Variants in CYSTM1 observed in about 807,000 individuals in gnomAD.
CYSTM1 encodes cysteine rich transmembrane module containing 1, also known as cysteine-rich transmembrane module-containing protein 1.
A neutral mutation model predicts 13.1 loss-of-function variants in CYSTM1; 4 were observed. The ratio of observed to expected loss-of-function variants is 0.31; its 90% CI spans 0.15 to 0.70. The LOEUF (loss-of-function observed/expected upper bound fraction) is 0.70, where lower values mean the gene tolerates loss of function less well. CYSTM1 is among the 30% of genes least tolerant of loss of function. CYSTM1 has a pLI of 0.72. For synonymous variants in CYSTM1, 36 were observed against 42.7 expected (o/e 0.84, Z 0.62); for missense variants, 96 against 121.6 (o/e 0.79, Z 0.99).
intron 2 of CYSTM1, among the ~76,000 whole-genome samples, chr5:140,225,132 T>C (rs1764534375): frequency 6.6e-6 from 1 of 152,204 alleles, no homozygotes; most frequent in East Asian, 1.9e-4. Flanking sequence ...AGGTGAGTTA[T>C]GATCATGCCA....
At chr5:140,213,789 G>C (rs1764398807) in intron 2 of CYSTM1, among the ~76,000 whole-genome samples, 1 of 152,176 alleles carries the variant, frequency 6.6e-6, no homozygotes, top group South Asian at 2.1e-4. Flanking sequence ...ATATATCCTA[G>C]GTGTACAGTA....
chr5:140,226,162 A>G (rs1404273731), intron 2 of CYSTM1, among the ~76,000 whole-genome samples: 2 of 152,110 alleles, frequency 1.3e-5, no homozygotes, highest in African/African-American at 4.8e-5. Context: ...AGCATTTTAC[A>G]TGCATAATCT....
intron 2 of CYSTM1, among the ~76,000 whole-genome samples, chr5:140,233,406 C>G (rs946519534): frequency 6.6e-6 from 1 of 152,140 alleles, no homozygotes; most frequent in Non-Finnish European, 1.5e-5. Context: ...GTTGAAGGAC[C>G]ATTTGGGTTG....
At chr5:140,207,441 C>T (rs181904549) in intron 2 of CYSTM1, among the ~76,000 whole-genome samples, 3 of 152,180 alleles carry the variant, frequency 2.0e-5, no homozygotes, top group Non-Finnish European at 1.5e-5. Flanking sequence ...TTGGTGTAGA[C>T]GATTTGCCAC....
Position 140,202,033 on chromosome 5 carries a change from T to G in CYSTM1, c.187+7381T>G, listed in dbSNP as rs1487171504. 2.7e-5 allele frequency: 4 copies of G among 150,236 alleles called. No individual in the cohort carries two copies. In the East Asian group the frequency reaches 5.9e-4, roughly 22 times the overall value. 9.3% of individuals were successfully genotyped at this position (150,236 alleles called of 1,614,324 possible). ...TCACTGCAACCTCCGCCTCCCAGGT[T>G]CAAGTGATTCTCCTGTCTCAGCCTC... On this transcript the variant is annotated intron_variant, in intron 2 of 2. Transcript: ENST00000261811.
chr5:140,175,816 G>A lies in CYSTM1; in HGVS notation c.-21+531G>A, dbSNP rs572644513. Among the ~76,000 whole-genome samples, 4 of 152,350 alleles carry A rather than the reference G, an allele frequency of 2.6e-5. No individual in the cohort carries two copies. The South Asian group carries it at 8.3e-4, about 32-fold the overall frequency. On this transcript the variant is annotated intron_variant, in intron 1 of 2. Transcript: ENST00000261811. This position sits in a 1 kb window ranked among gnomAD's most constrained non-coding sequence, Gnocchi z 4.9. The stretch of plus-strand genomic sequence containing the variant: ...AACGCAAAGCCGGCGCTCGGAGGCC[G>A]GGGTGTTCAGAGAAGGCGTTGCGGG...
At chr5:140,218,228 CT>C (rs1298171845) in intron 2 of CYSTM1, among the ~76,000 whole-genome samples, 2 of 151,970 alleles carry the variant, frequency 1.3e-5, no homozygotes, top group Non-Finnish European at 2.9e-5. Context: ...ACAGACATCT[CT>C]TTTTTTTCCC....
intron 1 of CYSTM1, among the ~76,000 whole-genome samples, chr5:140,177,069 A>AAAAAAAAAAC (rs1561806662): frequency 2.8e-5 from 1 of 35,448 alleles, no homozygotes; most frequent in African/African-American, 1.2e-4. Flanking sequence ...ACTCTGTCTC[A>AAAAAAAAAAC]AAAAAAAAAA....
At chr5:140,214,180 T>C (rs898815252) in intron 2 of CYSTM1, among the ~76,000 whole-genome samples, 2 of 152,320 alleles carry the variant, frequency 1.3e-5, no homozygotes, top group Non-Finnish European at 2.9e-5. Context: ...AGCACTTCAA[T>C]GATGGTCTCC....
At chr5:140,210,364 A>G (rs911235840) in intron 2 of CYSTM1, among the ~76,000 whole-genome samples, 1 of 152,180 alleles carries the variant, frequency 6.6e-6, no homozygotes, top group African/African-American at 2.4e-5. Context: ...CAGCATCCCT[A>G]GCCTCTACCA....
At chr5:140,232,181 T>C (rs1764625194) in intron 2 of CYSTM1, among the ~76,000 whole-genome samples, 1 of 152,168 alleles carries the variant, frequency 6.6e-6, no homozygotes, top group Non-Finnish European at 1.5e-5. Context: ...GAGAAAGGAA[T>C]CATGATTGGT....
chr5:140,202,061 G>T (rs368963132), intron 2 of CYSTM1: 7 of 150,492 alleles, frequency 4.7e-5, no homozygotes, highest in African/African-American at 1.7e-4. Context: ...TCAGCCTCCC[G>T]AGTAGCTGGG....
At chr5:140,190,600 C>A (rs1399999888) in intron 1 of CYSTM1, among the ~76,000 whole-genome samples, 2 of 150,962 alleles carry the variant, frequency 1.3e-5, no homozygotes, top group Non-Finnish European at 3.0e-5. Context: ...TTAAAAAAAA[C>A]AACATTGAAA....
At chr5:140,209,038 CAAA>C (rs58604987) in intron 2 of CYSTM1, among the ~76,000 whole-genome samples, 6 of 91,374 alleles carry the variant, frequency 6.6e-5, no homozygotes, top group Non-Finnish European at 4.7e-5. Context: ...GACTCCATCT[CAAA>C]AAAAAAAAAA....
Position 140,219,513 on chromosome 5 carries a change from G to A in CYSTM1, c.188-23792G>A, listed in dbSNP as rs1380212084. Among the ~76,000 whole-genome samples the A allele has an allele frequency of 2.0e-5, 3 of 152,110 alleles. No individual in the cohort carries two copies. Among genetic ancestry groups the A allele is most frequent in the Non-Finnish European group, 2.9e-5 (2 of 68,022 alleles). The stretch of plus-strand genomic sequence containing the variant: ...GTCATCCTGTCCCATCCCTGACCTT[G>A]GAACTCACTGTGTACCAGCCTCTAA... On this transcript the variant is annotated intron_variant, in intron 2 of 2. Coordinates refer to ENST00000261811, the MANE Select transcript of CYSTM1 (RefSeq NM_032412.4). This position sits in a 1 kb window ranked among gnomAD's most constrained non-coding sequence, Gnocchi z 4.1.
At chr5:140,188,247 G>A (rs1007808680) in intron 1 of CYSTM1, among the ~76,000 whole-genome samples, 1 of 151,140 alleles carries the variant, frequency 6.6e-6, no homozygotes, top group African/African-American at 2.4e-5. Flanking sequence ...ATTTTTTTGC[G>A]GGGGGAAGGG....
chr5:140,241,765 G>C (rs571202801), intron 2 of CYSTM1, among the ~76,000 whole-genome samples: 1 of 152,294 alleles, frequency 6.6e-6, no homozygotes, highest in East Asian at 1.9e-4. Flanking sequence ...TGACCCCAGG[G>C]CCTGGGGTGG....
At chr5:140,204,782 T>TGA (rs1764278212) in intron 2 of CYSTM1, among the ~76,000 whole-genome samples, 1 of 151,918 alleles carries the variant, frequency 6.6e-6, no homozygotes, top group Admixed American at 6.6e-5. Context: ...CGCGTGTGTG[T>TGA]GTGTATGTGT....
chr5:140,218,866 G>A (rs746012888), intron 2 of CYSTM1, among the ~76,000 whole-genome samples: 1 of 152,150 alleles, frequency 6.6e-6, no homozygotes, highest in Admixed American at 6.5e-5. Flanking sequence ...GAACTCTACC[G>A]GATGGGGTGA....
Sources: gnomAD v4.1 joint callset for allele counts (sites outside exome capture counted in the v4.1 genomes callset) on GRCh38, gnomAD v4.1.1 for gene constraint, Gnocchi (gnomAD v3.1) non-coding constraint, MANE v1.5 for transcripts, NCBI Gene and HGNC (gene_info 2026-07-23, HGNC 2026-07-21) for gene names.